Variants in SNAP47 observed in about 807,000 individuals in gnomAD.
SNAP47 encodes the protein synaptosomal-associated protein 47.
SNAP47 carries 20 observed loss-of-function variants against 31.4 expected under a neutral mutation model. That is an observed-to-expected ratio of 0.64 (90% CI 0.45 to 0.93). The LOEUF is 0.93. Ranked by LOEUF, SNAP47 falls within the 40% of genes least tolerant of loss-of-function variation. SNAP47 has a pLI of 0.00. For synonymous variants in SNAP47, 194 were observed against 213.4 expected (o/e 0.91, Z 0.79); for missense variants, 492 against 528.5 (o/e 0.93, Z 0.68).
intron 2 of SNAP47, among the ~76,000 whole-genome samples, chr1:227,748,659 G>A (rs1363501980): frequency 6.6e-6 from 1 of 151,096 alleles, no homozygotes. Context: ...TCTTGATGAC[G>A]GCCTCTGTTA....
Position 227,739,329 on chromosome 1 carries a change from C to T in SNAP47, c.-46+3830C>T, listed in dbSNP as rs115137399. Among the ~76,000 whole-genome samples, 677 of 152,198 alleles carry T rather than the reference C, an allele frequency of 4.4e-3. 6 individuals carry two copies. The highest frequency in any genetic ancestry group is 0.015 in the African/African-American group (630 of 41,518). On this transcript the variant is annotated intron_variant, in intron 1 of 4. Coordinates refer to ENST00000617596, the MANE Select transcript of SNAP47 (RefSeq NM_053052.4). ...TATGAGCCACTGTGCCTGGCCAGGA[C>T]GGGTTTTAAGTCAGCACTTTGGAGA...
At chr1:227,734,273 T>C, upstream of SNAP47, 1 of 526,084 alleles carries the variant, frequency 1.9e-6, no homozygotes, top group Non-Finnish European at 3.3e-6. Flanking sequence ...CCCAGTGCTT[T>C]GAGATGCTGA....
Position 227,747,920 on chromosome 1 carries a change from C to A in SNAP47, c.184C>A (p.His62Asn), listed in dbSNP as rs770833379. The change falls in exon 2 of 5, where the codon CAT becomes AAT. Residue 62 changes from histidine to asparagine, a missense_variant. By Grantham distance (68) the His-to-Asn change is moderately conservative. Coordinates refer to ENST00000617596, the MANE Select transcript of SNAP47 (RefSeq NM_053052.4). ...AGTTGAGATCAAGAAGGAGGCTTCA[C>A]ATTTTATCTTCAGCTCCATCACCAT... is the stretch of plus-strand genomic sequence containing the variant. Reference protein sequence around the residue: ...SIVEIKKEASHFIFSSITILE... With the variant: ...SIVEIKKEASNFIFSSITILE... 14 of 1,614,120 alleles carry A rather than the reference C, an allele frequency of 8.7e-6. No individual in the cohort carries two copies. Among genetic ancestry groups the A allele is most frequent in the Admixed American group, 6.7e-5 (4 of 60,008 alleles).
intron 4 of SNAP47, among the ~76,000 whole-genome samples, chr1:227,771,151 C>T (rs939358794): frequency 6.6e-6 from 1 of 152,188 alleles, no homozygotes; most frequent in Non-Finnish European, 1.5e-5. Flanking sequence ...AGGCTCTCAG[C>T]GTCCCGTACT....
chr1:227,734,975 T>C (rs745519923), upstream of SNAP47: 3 of 1,506,208 alleles, frequency 2.0e-6, no homozygotes, highest in Admixed American at 4.4e-5. Flanking sequence ...CCCGCCGGCC[T>C]TTCCTCCCCG....
At chr1:227,747,593 T>C (rs1422634535) in intron 1 of SNAP47, 99 bp from the exon 2 acceptor site, 3 of 1,252,026 alleles carry the variant, frequency 2.4e-6, no homozygotes, top group Non-Finnish European at 3.3e-6. Flanking sequence ...CTGCAGCCTG[T>C]GTGAGCCCAG....
At chr1:227,737,569 G>A (rs911552146) in intron 1 of SNAP47, among the ~76,000 whole-genome samples, 3 of 152,178 alleles carry the variant, frequency 2.0e-5, no homozygotes, top group Non-Finnish European at 4.4e-5. Flanking sequence ...CAATGGAAAT[G>A]TTGTTTTATT....
chr1:227,759,612 A>C, intron 3 of SNAP47, 127 bp downstream of exon 3: 3 of 1,285,590 alleles, frequency 2.3e-6, no homozygotes, highest in Non-Finnish European at 3.2e-6. Context: ...AGCTTGCTAG[A>C]GACAGCTCGT....
At chr1:227,771,156 C>A (rs1663777643) in intron 4 of SNAP47, among the ~76,000 whole-genome samples, 1 of 152,158 alleles carries the variant, frequency 6.6e-6, no homozygotes, top group African/African-American at 2.4e-5. Flanking sequence ...CTCAGCGTCC[C>A]GTACTTTCCT....
rs1663135750 is a variant in SNAP47 at position 227,762,615 on chromosome 1, G to A, written c.988+3130G>A. Among the ~76,000 whole-genome samples the A allele has an allele frequency of 6.6e-6, 1 of 152,056 alleles. No individual in the cohort carries two copies. The highest frequency in any genetic ancestry group is 2.4e-5 in the African/African-American group (1 of 41,402). The stretch of plus-strand genomic sequence containing the variant: ...CGTGTGGCCACAGGGTGGCAGCCTC[G>A]CGACACCGGATGGGCGCTTGTCAGG... On this transcript the variant is annotated intron_variant, in intron 3 of 4. Transcript: ENST00000617596. The surrounding 1 kb of genome is among the most constrained non-coding windows in gnomAD (Gnocchi z 4.2).
At chr1:227,737,799 C>T (rs968101095) in intron 1 of SNAP47, among the ~76,000 whole-genome samples, 7 of 150,722 alleles carry the variant, frequency 4.6e-5, no homozygotes, top group Admixed American at 4.0e-4. Flanking sequence ...GGACAGGAGG[C>T]GGAGAGTTGT....
chr1:227,775,782 T>C, intron 4 of SNAP47: 1 of 1,303,618 alleles, frequency 7.7e-7, no homozygotes, highest in Non-Finnish European at 1.0e-6. Flanking sequence ...TTGTTTTTGC[T>C]CTGCAGGGCT....
intron 4 of SNAP47, among the ~76,000 whole-genome samples, chr1:227,770,373 T>C (rs928574384): frequency 6.6e-6 from 1 of 152,166 alleles, no homozygotes; most frequent in African/African-American, 2.4e-5. Context: ...CTTCTGGGCA[T>C]GTGGGGAGCC....
At chr1:227,732,017 A>C, upstream of SNAP47, 1 of 292,308 alleles carries the variant, frequency 3.4e-6, no homozygotes. Context: ...GGGTGGTCCA[A>C]TGGCCTGAGA....
At chr1:227,777,298 C>G (rs1222948851) in intron 4 of SNAP47, 1 of 205,086 alleles carries the variant, frequency 4.9e-6, no homozygotes, top group Non-Finnish European at 8.6e-6. Flanking sequence ...CACCACTCAG[C>G]CTTGCAGGGA....
At chr1:227,728,355 GGC>G (rs886145830), upstream of SNAP47, among the ~76,000 whole-genome samples, 6 of 152,220 alleles carry the variant, frequency 3.9e-5, no homozygotes, top group African/African-American at 1.2e-4. Context: ...GAGCGGGGGG[GGC>G]GGGCCCCGCT....
rs1664288421 is a variant in SNAP47 at position 227,778,548 on chromosome 1, CAG to C, written c.1114-1978_1114-1977del. Among the ~76,000 whole-genome samples, 3 of 152,336 alleles carry C rather than the reference CAG, an allele frequency of 2.0e-5. No individual in the cohort carries two copies. The South Asian group carries it at 6.2e-4, about 32-fold the overall frequency. On this transcript the variant is annotated intron_variant, in intron 4 of 4. Coordinates refer to ENST00000617596, the MANE Select transcript of SNAP47 (RefSeq NM_053052.4). ...TCCTCACAGGATGTGGGCACAGGGA[CAG>C]TGTGAGTGTGCAGCCCAGCCATCCC...
At chr1:227,732,384 G>C (rs374619250), upstream of SNAP47, 88 of 1,611,130 alleles carry the variant, frequency 5.5e-5, no homozygotes, top group African/African-American at 1.0e-3. Context: ...CTATCCTCAC[G>C]ACAGGTGCTA....
intron 4 of SNAP47, chr1:227,768,459 C>T (rs1663578762): frequency 2.9e-6 from 1 of 343,716 alleles, no homozygotes; most frequent in Non-Finnish European, 4.1e-6. Context: ...GATAAAGACA[C>T]TCTGTCTCTT....
Sources: gnomAD v4.1 joint callset for allele counts (sites outside exome capture counted in the v4.1 genomes callset) on GRCh38, gnomAD v4.1.1 for gene constraint, Gnocchi (gnomAD v3.1) non-coding constraint, MANE v1.5 for transcripts, NCBI Gene and HGNC (gene_info 2026-07-23, HGNC 2026-07-21) for gene names.